Variants in NUP35 observed in about 807,000 individuals in gnomAD.
NUP35 encodes nucleoporin NUP35.
In NUP35, 25 loss-of-function variants were observed where a neutral mutation model predicts 41.5. The observed-to-expected ratio is 0.60, with a 90% CI of 0.44 to 0.84. The LOEUF (loss-of-function observed/expected upper bound fraction) is 0.84. Ranked by LOEUF, NUP35 falls within the 40% of genes least tolerant of loss-of-function variation. The probability of loss-of-function intolerance (pLI) is 0.00; values close to 1 mark genes in which losing one functional copy is unlikely to be tolerated. For missense variants in NUP35, 396 were observed against 396.6 expected (o/e 1.00, Z 0.01); for synonymous variants, 149 against 130.7 (o/e 1.14, Z -0.96).
chr2:183,123,915 CG>C, upstream of NUP35: 1 of 557,832 alleles, frequency 1.8e-6, no homozygotes, highest in Non-Finnish European at 2.3e-6. Flanking sequence ...AACAAAACGG[CG>C]TATGAGTTAC....
At chr2:183,150,094 A>G (rs1685411816) in intron 4 of NUP35, among the ~76,000 whole-genome samples, 1 of 151,980 alleles carries the variant, frequency 6.6e-6, no homozygotes, top group African/African-American at 2.4e-5. Context: ...TTTAGTAGAG[A>G]TGGGGTTTCA....
chr2:183,132,690 A>G (rs1313762616), intron 3 of NUP35, among the ~76,000 whole-genome samples: 1 of 152,236 alleles, frequency 6.6e-6, no homozygotes, highest in African/African-American at 2.4e-5. Flanking sequence ...TGTATTCAAA[A>G]TGTTTGAAAG....
intron 4 of NUP35, among the ~76,000 whole-genome samples, chr2:183,138,004 A>G (rs1276729575): frequency 1.3e-5 from 2 of 151,940 alleles, no homozygotes; most frequent in South Asian, 4.1e-4. Context: ...ATATGAAAAT[A>G]CAAGAGCTGT....
At chr2:183,138,172 A>C (rs1323676436) in intron 4 of NUP35, among the ~76,000 whole-genome samples, 2 of 150,906 alleles carry the variant, frequency 1.3e-5, no homozygotes, top group African/African-American at 4.9e-5. Context: ...ATGCATGGCC[A>C]ATGATAGGCA....
intron 3 of NUP35, among the ~76,000 whole-genome samples, chr2:183,132,367 A>G (rs1684726861): frequency 6.6e-6 from 1 of 151,636 alleles, no homozygotes; most frequent in South Asian, 2.1e-4. Flanking sequence ...AGCTTGGGCT[A>G]CATGGCGAAA....
chr2:183,157,570 T>C (rs1685713773), intron 6 of NUP35, 57 bp downstream of exon 6: 2 of 1,193,954 alleles, frequency 1.7e-6, no homozygotes, highest in Non-Finnish European at 2.4e-6. Flanking sequence ...AAGTTGTGAA[T>C]TGAGAGAAAC....
chr2:183,132,601 G>T (rs764314571), intron 3 of NUP35, among the ~76,000 whole-genome samples: 2 of 152,016 alleles, frequency 1.3e-5, no homozygotes, highest in Non-Finnish European at 2.9e-5. Context: ...ATTGTTTGTT[G>T]CAAGAACCAC....
At chr2:183,139,763 G>A (rs1389476097) in intron 4 of NUP35, among the ~76,000 whole-genome samples, 1 of 152,182 alleles carries the variant, frequency 6.6e-6, no homozygotes, top group Non-Finnish European at 1.5e-5. Context: ...GGAGGCAAGC[G>A]GCAAGCAGTG....
At chr2:183,127,934 C>G (rs192390665) in intron 1 of NUP35, among the ~76,000 whole-genome samples, 6 of 151,778 alleles carry the variant, frequency 4.0e-5, no homozygotes. Context: ...ATTAGCTGGG[C>G]GTGGTGGTGC....
chr2:183,151,624 G>A lies in NUP35; in HGVS notation c.514G>A (p.Asp172Asn). Residue 172 changes from aspartate (D) to asparagine (N), a missense_variant, in exon 5 of 9, where the codon GAT becomes AAT. Asp to Asn is a conservative substitution (Grantham distance 23, BLOSUM62 1). Transcript: ENST00000295119. The stretch of plus-strand genomic sequence containing the variant: ...TTCTTTGACTTCAGAAGATCACCTC[G>A]ATGACTCTTGGGTGACTGTATTTGG... ...GDSLTSEDHL[D>N]DSWVTVFGFP... is the part of the protein sequence containing the mutation. The A allele has an allele frequency of 3.7e-6, 6 of 1,613,954 alleles. No individual in the cohort carries two copies. The highest frequency in any genetic ancestry group is 2.2e-5 in the South Asian group (2 of 91,072).
chr2:183,134,303 T>C (rs1218953935), intron 4 of NUP35, among the ~76,000 whole-genome samples: 1 of 152,188 alleles, frequency 6.6e-6, no homozygotes, highest in Non-Finnish European at 1.5e-5. Flanking sequence ...GAACTTACAT[T>C]TATTTGCAGA....
At chr2:183,160,392 CTTTCT>C (rs1685830617) in intron 8 of NUP35, 1 of 152,014 alleles carries the variant, frequency 6.6e-6, no homozygotes, top group Non-Finnish European at 1.5e-5. Context: ...TTCAATTTTT[CTTTCT>C]TTTGTTTTGA....
upstream of NUP35, among the ~76,000 whole-genome samples, chr2:183,124,086 T>C (rs1413667562): frequency 1.3e-5 from 2 of 152,324 alleles, no homozygotes; most frequent in East Asian, 1.9e-4. Flanking sequence ...TTCCAGGTGC[T>C]ACTCAGAAAA....
chr2:183,126,836 A>G lies in NUP35; in HGVS notation c.41-1451A>G, dbSNP rs148387121. Among the ~76,000 whole-genome samples, 1,511 of 152,298 alleles carry G rather than the reference A, an allele frequency of 9.9e-3. 31 individuals are homozygous for G. Among genetic ancestry groups the G allele is most frequent in the African/African-American group, 0.035 (1,448 of 41,570 alleles). ...CAAACATTTGACCCTTCTGAGTGCAATGAGTCACACTCAGGCTTGTCACCT... is the reference window on the plus strand; with the variant it reads ...CAAACATTTGACCCTTCTGAGTGCAGTGAGTCACACTCAGGCTTGTCACCT... On this transcript the variant is annotated intron_variant, in intron 1 of 8. Transcript: ENST00000295119.
In NUP35 at chr2:183,128,454, G is replaced by T; in HGVS notation, c.208G>T (p.Ala70Ser). Reference sequence around the variant, plus strand: ...AATGGAAATGAGATCACCTTTACTTGCAGGTAGGTGAATTGCTTAAAATAA... The same window carrying T: ...AATGGAAATGAGATCACCTTTACTTTCAGGTAGGTGAATTGCTTAAAATAA... ...GVMEMRSPLLAGGSPPQPVVP... is the reference protein window; with the variant it reads ...GVMEMRSPLLSGGSPPQPVVP... The change falls in exon 2 of 9, where the codon GCA becomes TCA. Residue 70 changes from alanine to serine, a missense_variant. Transcript: ENST00000295119. The T allele has an allele frequency of 6.2e-7, 1 of 1,609,406 alleles. No homozygotes were observed. The highest frequency in any genetic ancestry group is 8.5e-7 in the Non-Finnish European group (1 of 1,177,188).
chr2:183,144,596 T>C (rs947009798), intron 4 of NUP35, among the ~76,000 whole-genome samples: 95 of 146,056 alleles, frequency 6.5e-4, no homozygotes, highest in Admixed American at 5.7e-3. Flanking sequence ...GGTAATAAGG[T>C]CTTTTGCCCT....
upstream of NUP35, among the ~76,000 whole-genome samples, chr2:183,119,470 C>A (rs1700036209): frequency 6.6e-6 from 1 of 152,024 alleles, no homozygotes; most frequent in African/African-American, 2.4e-5. Context: ...GGCAGGTTTA[C>A]ATGACAGAAA....
chr2:183,148,340 A>AT (rs1422136513), intron 4 of NUP35, among the ~76,000 whole-genome samples: 3 of 152,116 alleles, frequency 2.0e-5, no homozygotes, highest in Non-Finnish European at 4.4e-5. Flanking sequence ...AAATTGTTGG[A>AT]TTGAATGGTA....
At chr2:183,152,529 A>C (rs1048693072) in intron 5 of NUP35, among the ~76,000 whole-genome samples, 1 of 152,166 alleles carries the variant, frequency 6.6e-6, no homozygotes, top group East Asian at 1.9e-4. Context: ...GTGAGAACAT[A>C]TGATGTTTGG....
Sources: allele counts gnomAD v4.1 joint callset (sites outside exome capture counted in the v4.1 genomes callset), GRCh38; gene constraint gnomAD v4.1.1; transcripts MANE v1.5; gene names NCBI Gene and HGNC (gene_info 2026-07-23, HGNC 2026-07-21).